AP3S2: variants seen among roughly 807,000 people sequenced by gnomAD.
AP3S2 encodes the protein adaptor related protein complex 3 subunit sigma 2.
In AP3S2, 22 loss-of-function variants were observed where a neutral mutation model predicts 23.4. The ratio of observed to expected loss-of-function variants is 0.94; its 90% CI spans 0.67 to 1.34. The LOEUF (loss-of-function observed/expected upper bound fraction) is 1.34. Among genes scored for constraint, AP3S2 ranks in the 40% most tolerant of loss-of-function variants. The probability of loss-of-function intolerance (pLI) is 0.00; values close to 1 mark genes in which losing one functional copy is unlikely to be tolerated. For missense variants in AP3S2, 241 were observed against 236.9 expected (o/e 1.02, Z -0.11); for synonymous variants, 86 against 87.1 (o/e 0.99, Z 0.07).
chr15:89,844,278 T>TCA (rs1895428271), intron 4 of AP3S2, among the ~76,000 whole-genome samples: 1 of 70,704 alleles, frequency 1.4e-5, no homozygotes, highest in Admixed American at 1.4e-4. Flanking sequence ...TTTCTCTCTC[T>TCA]CTCTCTTTCT....
rs886699637 is a variant in AP3S2 at position 89,853,616 on chromosome 15, A to C, written c.346-15894T>G. 4.6e-5 allele frequency among the ~76,000 whole-genome samples: 6 copies of C among 131,150 alleles called. No individual in the cohort carries two copies. In the East Asian group the frequency reaches 1.4e-3, roughly 30 times the overall value. The allele number at this position is 131,150 out of a possible 152,430, so 86.0% of individuals were successfully genotyped here. ...CCCTCTGCCTGGCTGCCCAGTCTGG[A>C]AAGTGAGGAGCGTCTCCGCCCGGCC... On this transcript the variant is annotated intron_variant, in intron 4 of 5. Transcript: ENST00000336418.
At chr15:89,859,281 CCTTTTTTCTTTT>C (rs1399005183) in intron 4 of AP3S2, among the ~76,000 whole-genome samples, 2 of 147,408 alleles carry the variant, frequency 1.4e-5, no homozygotes, top group Non-Finnish European at 3.0e-5. Context: ...TTCTTTCTTT[CCTTTTTTCTTTT>C]CTTTTTCTTC....
intron 3 of AP3S2, among the ~76,000 whole-genome samples, chr15:89,883,650 A>AC (rs1178785210): frequency 6.6e-6 from 1 of 152,074 alleles, no homozygotes; most frequent in Non-Finnish European, 1.5e-5. Flanking sequence ...AAGGGTTGGG[A>AC]CTATAGGTAT....
rs144793988 is a variant in AP3S2 at position 89,888,609 on chromosome 15, T to C, written c.185A>G (p.Lys62Arg). Residue 62 changes from lysine (K) to arginine (R), a missense_variant, in exon 3 of 6, where the codon AAA (lysine) becomes AGA (arginine). Physicochemically the swap from Lys to Arg is conservative, Grantham distance 26. Coordinates refer to ENST00000336418, the MANE Select transcript of AP3S2 (RefSeq NM_005829.5). ...GGTAGCATAGTGCCGGTAGATCAGT[T>C]TGTAGTCAGAGCCACCAATCAAACT... is the stretch of plus-strand genomic sequence containing the variant. ...GGSLIGGSDY[K>R]LIYRHYATLY... The C allele has an allele frequency of 1.5e-5, 24 of 1,614,172 alleles. No homozygotes were observed. The African/African-American group carries it at 3.2e-4, about 22-fold the overall frequency.
chr15:89,842,334 T>C (rs937205109), intron 4 of AP3S2, among the ~76,000 whole-genome samples: 3 of 152,180 alleles, frequency 2.0e-5, no homozygotes, highest in African/African-American at 7.2e-5. Context: ...GATATGTTCA[T>C]AAAGATAGAA....
chr15:89,871,406 G>T, intron 4 of AP3S2, 69 bp downstream of exon 4: 1 of 1,449,504 alleles, frequency 6.9e-7, no homozygotes, highest in Non-Finnish European at 9.4e-7. Flanking sequence ...TGTAGAGGTG[G>T]CTACAGATGC....
At chr15:89,893,500 T>C (rs1896866836) in intron 1 of AP3S2, 1 of 395,820 alleles carries the variant, frequency 2.5e-6, no homozygotes, top group South Asian at 1.2e-4. Context: ...TTCAGAAACT[T>C]AATATTTCTT....
intron 4 of AP3S2, among the ~76,000 whole-genome samples, chr15:89,842,759 T>C (rs1596187972): frequency 6.6e-6 from 1 of 151,908 alleles, no homozygotes; most frequent in Non-Finnish European, 1.5e-5. Flanking sequence ...ACTATAGGCA[T>C]GCGCCACCAT....
Position 89,831,127 on chromosome 15 carries a change from T to G in AP3S2, c.*4388A>C, listed in dbSNP as rs1289894500. The G allele has an allele frequency of 6.6e-6, 1 of 152,234 alleles. No homozygotes were observed. Among genetic ancestry groups the G allele is most frequent in the Non-Finnish European group, 1.5e-5 (1 of 68,056 alleles). 9.4% of individuals were successfully genotyped at this position (152,234 alleles called of 1,614,324 possible). A position where few individuals can be genotyped will look rare whatever the true frequency, so the allele number is the denominator to read the frequency against. ...AAGGAAAATTGAAATAGGAAAAAAT[T>G]TTAAGTCTTTTGGAAAGAATTAATC... On this transcript the variant is annotated 3_prime_UTR_variant, in exon 6 of 6. Transcript: ENST00000336418.
chr15:89,853,055 T>G (rs1215254044), intron 4 of AP3S2, among the ~76,000 whole-genome samples: 1 of 152,132 alleles, frequency 6.6e-6, no homozygotes, highest in South Asian at 2.1e-4. Context: ...AATAACACAC[T>G]TCCCTCAATC....
intron 4 of AP3S2, among the ~76,000 whole-genome samples, chr15:89,858,491 GAA>G (rs368554712): frequency 0.42 from 38,412 of 92,434 alleles, 6,668 homozygotes; most frequent in Non-Finnish European, 0.46. Context: ...AAGAAAGAAA[GAA>G]AGAGAGAGAG....
chr15:89,871,029 T>C (rs992595547), intron 4 of AP3S2, among the ~76,000 whole-genome samples: 8 of 152,192 alleles, frequency 5.3e-5, no homozygotes, highest in African/African-American at 7.2e-5. Context: ...ACATTACAGA[T>C]CTCTTAGTCA....
At chr15:89,850,437 C>T (rs747140307) in intron 4 of AP3S2, among the ~76,000 whole-genome samples, 14 of 152,144 alleles carry the variant, frequency 9.2e-5, no homozygotes, top group Non-Finnish European at 2.1e-4. Flanking sequence ...TTGTTTTAAG[C>T]ATTAGAATCA....
At chr15:89,852,370 A>C (rs868301767) in intron 4 of AP3S2, 2 of 152,356 alleles carry the variant, frequency 1.3e-5, no homozygotes, top group South Asian at 4.1e-4. Context: ...CCTCTTTCCC[A>C]GTGCAGGATT....
intron 4 of AP3S2, among the ~76,000 whole-genome samples, chr15:89,844,278 T>A (rs1488032989): frequency 7.1e-5 from 5 of 70,704 alleles, no homozygotes; most frequent in Admixed American, 2.8e-4. Context: ...TTTCTCTCTC[T>A]CTCTCTTTCT....
chr15:89,855,599 A>G (rs2141858291), intron 4 of AP3S2, among the ~76,000 whole-genome samples: 1 of 145,876 alleles, frequency 6.9e-6, no homozygotes, highest in African/African-American at 2.5e-5. Flanking sequence ...CTGTAATCCC[A>G]GCACTGTGGC....
At chr15:89,877,083 C>CAT (rs1896460140) in intron 3 of AP3S2, 1 of 295,432 alleles carries the variant, frequency 3.4e-6, no homozygotes, top group Non-Finnish European at 6.7e-6. Flanking sequence ...ACCAAAATGT[C>CAT]ATATATATGG....
chr15:89,891,105 G>C (rs1289421617), intron 1 of AP3S2, among the ~76,000 whole-genome samples: 1 of 152,212 alleles, frequency 6.6e-6, no homozygotes, highest in Non-Finnish European at 1.5e-5. Flanking sequence ...TCTGGGGGAA[G>C]TGGCAGCAGT....
rs1482308237 is a variant in AP3S2 at position 89,833,126 on chromosome 15, A to T, written c.*2389T>A. The stretch of plus-strand genomic sequence containing the variant: ...AATGCATTAAACCACGTAACAAACG[A>T]ACTCAAGAAGAGGGATGTGGCTCTG... On this transcript the variant is annotated 3_prime_UTR_variant, in exon 6 of 6. Coordinates refer to ENST00000336418, the MANE Select transcript of AP3S2 (RefSeq NM_005829.5). The T allele has an allele frequency of 6.6e-6, 1 of 152,270 alleles. No homozygotes were observed. The highest frequency in any genetic ancestry group is 1.5e-5 in the Non-Finnish European group (1 of 68,056). The allele number at this position is 152,270 out of a possible 1,614,324, so 9.4% of individuals were successfully genotyped here. A position where few individuals can be genotyped will look rare whatever the true frequency, so the allele number is the denominator to read the frequency against.
Sources: allele counts gnomAD v4.1 joint callset (sites outside exome capture counted in the v4.1 genomes callset), GRCh38; gene constraint gnomAD v4.1.1; transcripts MANE v1.5; gene names NCBI Gene and HGNC (gene_info 2026-07-23, HGNC 2026-07-21).